Variants in PLPPR5 observed in about 807,000 individuals in gnomAD.
PLPPR5 encodes the protein phospholipid phosphatase-related protein type 5.
In PLPPR5, 16 loss-of-function variants were observed where a neutral mutation model predicts 33.9. The ratio of observed to expected loss-of-function variants is 0.47; its 90% CI spans 0.32 to 0.72. PLPPR5 has a LOEUF of 0.72. Among genes scored for constraint, PLPPR5 ranks in the 30% least tolerant of loss-of-function variants. The pLI is 0.03. For missense variants in PLPPR5, 301 were observed against 406.7 expected (o/e 0.74, Z 2.23); for synonymous variants, 163 against 150.3 (o/e 1.08, Z -0.62).
intron 1 of PLPPR5, among the ~76,000 whole-genome samples, chr1:98,970,285 T>G (rs1651612493): frequency 6.6e-6 from 1 of 152,020 alleles, no homozygotes; most frequent in African/African-American, 2.4e-5. Context: ...GAACATAAAC[T>G]CATTTTGCAG....
At chr1:98,977,985 G>A (rs1174638737) in intron 1 of PLPPR5, among the ~76,000 whole-genome samples, 1 of 151,902 alleles carries the variant, frequency 6.6e-6, no homozygotes, top group Non-Finnish European at 1.5e-5. Context: ...TACCTCTGGT[G>A]GTATAGCTAT....
chr1:98,953,800 G>A (rs1650896621), intron 2 of PLPPR5, among the ~76,000 whole-genome samples: 1 of 152,136 alleles, frequency 6.6e-6, no homozygotes, highest in African/African-American at 2.4e-5. Context: ...AACGCTGCTG[G>A]AGGTGCCAAT....
At chr1:98,959,128 GC>G (rs1020295228) in intron 1 of PLPPR5, among the ~76,000 whole-genome samples, 5 of 152,166 alleles carry the variant, frequency 3.3e-5, no homozygotes, top group Admixed American at 2.6e-4. Flanking sequence ...CCAACTTCTG[GC>G]TTGTTCCTAT....
chr1:98,910,603 A>G (rs1649082361), intron 5 of PLPPR5, among the ~76,000 whole-genome samples: 1 of 152,240 alleles, frequency 6.6e-6, no homozygotes, highest in African/African-American at 2.4e-5. Flanking sequence ...AAAAACAAGC[A>G]TGATAATTAT....
At chr1:98,928,572 T>TATATATATATATATATATATATATAG (rs1649849553) in intron 3 of PLPPR5, among the ~76,000 whole-genome samples, 1 of 141,658 alleles carries the variant, frequency 7.1e-6, no homozygotes, top group Non-Finnish European at 1.5e-5. Flanking sequence ...TATATATATA[T>TATATATATATATATATATATATATAG]GGTTCACTTT....
chr1:98,969,118 T>A (rs923584182), intron 1 of PLPPR5, among the ~76,000 whole-genome samples: 2 of 152,110 alleles, frequency 1.3e-5, no homozygotes, highest in Non-Finnish European at 2.9e-5. Flanking sequence ...CTTAGAAATA[T>A]ATATTCCAGG....
chr1:98,933,407 C>T (rs968201562), intron 3 of PLPPR5, among the ~76,000 whole-genome samples: 1 of 142,878 alleles, frequency 7.0e-6, no homozygotes, highest in East Asian at 2.1e-4. Flanking sequence ...GGTGTGAACC[C>T]GGGAGGCGGA....
At chr1:98,911,217 A>G (rs77975727) in intron 5 of PLPPR5, among the ~76,000 whole-genome samples, 2,053 of 152,270 alleles carry the variant, frequency 0.013, 18 homozygotes, top group Middle Eastern at 0.017. Context: ...GAATAAAAAG[A>G]TGGGAGAGTA....
In PLPPR5 at chr1:98,899,163, A is replaced by G. The variant is rs145394803; in HGVS notation, c.934-6059T>C. Among the ~76,000 whole-genome samples, 86 of 152,240 alleles carry G rather than the reference A, an allele frequency of 5.6e-4. 1 individual carries two copies. The highest frequency in any genetic ancestry group is 6.8e-3 in the Middle Eastern group (2 of 294). On this transcript the variant is annotated intron_variant, in intron 5 of 5. Transcript: ENST00000263177. Reference sequence around the variant, plus strand: ...ACTGGAATTTTTGAAGGCTCTCTGGATGATTGTAATGTAGAGCCAATATTG... The same window carrying G: ...ACTGGAATTTTTGAAGGCTCTCTGGGTGATTGTAATGTAGAGCCAATATTG...
intron 3 of PLPPR5, among the ~76,000 whole-genome samples, chr1:98,945,869 C>G (rs1223280230): frequency 6.6e-6 from 1 of 152,180 alleles, no homozygotes; most frequent in African/African-American, 2.4e-5. Context: ...CAATGCAGTA[C>G]TGGCTCTAGG....
At chr1:98,931,758 G>T (rs972864367) in intron 3 of PLPPR5, among the ~76,000 whole-genome samples, 1 of 152,098 alleles carries the variant, frequency 6.6e-6, no homozygotes, top group African/African-American at 2.4e-5. Flanking sequence ...CGGGGGCCAG[G>T]TTCAAAAAGC....
chr1:98,918,754 G>C (rs936453519), intron 4 of PLPPR5, among the ~76,000 whole-genome samples: 1 of 152,206 alleles, frequency 6.6e-6, no homozygotes, highest in Non-Finnish European at 1.5e-5. Context: ...GTGGTATTCA[G>C]TGTCTTGTCT....
At chr1:98,956,786 T>C in intron 1 of PLPPR5, 45 bp from the exon 2 acceptor site, 1 of 1,387,122 alleles carries the variant, frequency 7.2e-7, no homozygotes, top group Non-Finnish European at 9.7e-7. Context: ...ATTTAACCAG[T>C]ATAAATGTAA....
chr1:98,965,553 T>C (rs181290442), intron 1 of PLPPR5, among the ~76,000 whole-genome samples: 1 of 152,298 alleles, frequency 6.6e-6, no homozygotes, highest in African/African-American at 2.4e-5. Flanking sequence ...AATAGCAACC[T>C]ACAAGAATGC....
At chr1:98,970,703 C>T (rs1651627811) in intron 1 of PLPPR5, among the ~76,000 whole-genome samples, 1 of 151,790 alleles carries the variant, frequency 6.6e-6, no homozygotes, top group South Asian at 2.1e-4. Context: ...GAAACTGAGG[C>T]ACAAAGAGGT....
intron 3 of PLPPR5, among the ~76,000 whole-genome samples, chr1:98,938,599 T>C (rs1460284851): frequency 6.6e-6 from 1 of 150,842 alleles, no homozygotes; most frequent in East Asian, 1.9e-4. Context: ...TATATCATTC[T>C]ATCACAAAGA....
chr1:98,939,353 T>C (rs1254066773), intron 3 of PLPPR5, among the ~76,000 whole-genome samples: 1 of 151,872 alleles, frequency 6.6e-6, no homozygotes, highest in Non-Finnish European at 1.5e-5. Context: ...CCACTGAAGA[T>C]GTGCAGATTA....
At chr1:98,933,501 G>A (rs1416698555) in intron 3 of PLPPR5, among the ~76,000 whole-genome samples, 3 of 124,324 alleles carry the variant, frequency 2.4e-5, no homozygotes, top group South Asian at 2.5e-4. Context: ...AAAAAAAAAA[G>A]GATTTCAGAA....
At chr1:98,974,099 C>T (rs1651761308) in intron 1 of PLPPR5, among the ~76,000 whole-genome samples, 1 of 151,876 alleles carries the variant, frequency 6.6e-6, no homozygotes, top group Non-Finnish European at 1.5e-5. Flanking sequence ...AGGAAGGCTC[C>T]AAAGTCCATT....
Sources: allele counts gnomAD v4.1 joint callset (sites outside exome capture counted in the v4.1 genomes callset), GRCh38; gene constraint gnomAD v4.1.1; transcripts MANE v1.5; gene names NCBI Gene and HGNC (gene_info 2026-07-23, HGNC 2026-07-21).